The following FBXL18 variants were observed in gnomAD, a reference collection of about 807,000 sequenced individuals.
FBXL18 encodes F-box and leucine rich repeat protein 18, also known as F-box/LRR-repeat protein 18.
In FBXL18, 36 loss-of-function variants were observed where a neutral mutation model predicts 46.0. That is an observed-to-expected ratio of 0.78 (90% CI 0.60 to 1.03). The LOEUF (loss-of-function observed/expected upper bound fraction) is 1.03, where lower values mean the gene tolerates loss of function less well. Ranked by LOEUF, FBXL18 falls within the 50% of genes least tolerant of loss-of-function variation. The pLI, the probability that FBXL18 is intolerant of heterozygous loss-of-function variation, is 0.00. For synonymous variants in FBXL18, 557 were observed against 465.3 expected, an observed-to-expected ratio of 1.20 and a Z score of -2.54; for missense variants, 977 against 1,004.1, an observed-to-expected ratio of 0.97 and a Z score of 0.36.
chr7:5,498,059 T>TTTTTTTC (rs910990571), intron 3 of FBXL18, among the ~76,000 whole-genome samples: 1 of 151,928 alleles, frequency 6.6e-6, no homozygotes, highest in South Asian at 2.1e-4. Context: ...TTTGGGTAAT[T>TTTTTTTC]TTTTTTCTTT....
At chr7:5,487,968 G>C (rs1437865009) in intron 4 of FBXL18, among the ~76,000 whole-genome samples, 1 of 152,248 alleles carries the variant, frequency 6.6e-6, no homozygotes, top group South Asian at 2.1e-4. Context: ...AGCAAGCATG[G>C]GTGATCAAGG....
Position 5,504,379 on chromosome 7 carries a change from G to A in FBXL18, c.237+1033C>T, listed in dbSNP as rs560136174. Among the ~76,000 whole-genome samples the A allele has an allele frequency of 3.0e-4, 46 of 150,950 alleles. No homozygotes were observed. In the South Asian group the frequency reaches 4.0e-3, roughly 13 times the overall value. ...TGGGAGACAGAAGTTGCAGTGAGCC[G>A]GGATCGTGCCACTGCACTCCAGCCT... On this transcript the variant is annotated intron_variant, in intron 2 of 4. Coordinates refer to ENST00000382368, the MANE Select transcript of FBXL18 (RefSeq NM_024963.6).
intron 1 of FBXL18, among the ~76,000 whole-genome samples, chr7:5,513,213 A>C (rs1784586226): frequency 6.6e-6 from 1 of 151,916 alleles, no homozygotes; most frequent in African/African-American, 2.4e-5. Flanking sequence ...CCCACCCCCC[A>C]CGTCATTCAG....
At position 5,480,198 on chromosome 7, in the gene FBXL18, G is replaced by A. The variant is rs1783604065; in HGVS notation, c.*1577C>T. Among the ~76,000 whole-genome samples, 1 of 152,204 alleles carries A rather than the reference G, an allele frequency of 6.6e-6. No homozygotes were observed. The highest frequency in any genetic ancestry group is 6.5e-5 in the Admixed American group (1 of 15,272). On this transcript the variant is annotated 3_prime_UTR_variant, in exon 5 of 5. Transcript: ENST00000382368. ...CACCACCCCACAGGACGGGGCATCT[G>A]TCACACGGAAACCCAGGAGGAGGAA...
rs1293256647 is a variant in FBXL18, at chr7:5,463,702, A to T, written c.2001-15859T>A. On this transcript the variant is annotated intron_variant and NMD_transcript_variant, in intron 4 of 6. Coordinates refer to the FBXL18 transcript ENST00000415009. ...TGCTTCATGCCCCTGAACTATATAT[A>T]TATTTATTTATTTATTTATTTATTT... Among the ~76,000 whole-genome samples, 6 of 69,024 alleles carry T rather than the reference A, an allele frequency of 8.7e-5. 1 individual carries two copies. Among genetic ancestry groups the T allele is most frequent in the Admixed American group, 3.7e-4 (2 of 5,436 alleles). 45.3% of individuals were successfully genotyped at this position (69,024 alleles called of 152,430 possible). A position where few individuals can be genotyped will look rare whatever the true frequency, so the allele number is the denominator to read the frequency against.
chr7:5,470,020 C>T (rs151138909), intron 4 of FBXL18, among the ~76,000 whole-genome samples: 3 of 152,012 alleles, frequency 2.0e-5, no homozygotes, highest in Non-Finnish European at 2.9e-5. Flanking sequence ...TATGAACGGG[C>T]GTGGGCGTGG....
Position 5,476,007 on chromosome 7 carries a change from T to TG in FBXL18, c.*5767dup, listed in dbSNP as rs1317580826. On this transcript the variant is annotated 3_prime_UTR_variant, in exon 5 of 5. Transcript: ENST00000382368. Reference sequence around the variant, plus strand: ...GATGCATGTCGTGTCATTTAGCACCTGGTCATGAGATACGGCGAGACCCCC... The same window carrying TG: ...GATGCATGTCGTGTCATTTAGCACCTGGGTCATGAGATACGGCGAGACCCCC... The TG allele has an allele frequency of 6.6e-6, 1 of 152,174 alleles. No homozygotes were observed. Among genetic ancestry groups the TG allele is most frequent in the Non-Finnish European group, 1.5e-5 (1 of 68,036 alleles). The allele number at this position is 152,174 out of a possible 1,614,324, so 9.4% of individuals were successfully genotyped here.
At chr7:5,499,485 T>C (rs1446988333) in intron 3 of FBXL18, among the ~76,000 whole-genome samples, 1 of 152,084 alleles carries the variant, frequency 6.6e-6, no homozygotes, top group Non-Finnish European at 1.5e-5. Flanking sequence ...TCCCAGAACT[T>C]CGGGAGGCTG....
At chr7:5,502,153 C>A (rs1382941025) in intron 2 of FBXL18, 122 bp from the exon 3 acceptor site, 9 of 712,656 alleles carry the variant, frequency 1.3e-5, no homozygotes, top group Non-Finnish European at 1.8e-5. Flanking sequence ...AAGCTCCCCA[C>A]CTCTCGCTGC....
intron 3 of FBXL18, chr7:5,495,965 G>A (rs1382763414): frequency 2.2e-6 from 1 of 455,878 alleles, no homozygotes; most frequent in East Asian, 7.3e-5. Flanking sequence ...CTCTCAGGCT[G>A]GCCCACAAAA....
chr7:5,511,406 C>G (rs1455620299), intron 1 of FBXL18, among the ~76,000 whole-genome samples: 1 of 151,874 alleles, frequency 6.6e-6, no homozygotes, highest in Non-Finnish European at 1.5e-5. Context: ...TGGAGAAACC[C>G]CGTCTCTACT....
rs554910356 is a variant in FBXL18 at position 5,513,786 on chromosome 7, A to G, written c.-112T>C. 6.9e-7 allele frequency: 1 copy of G among 1,444,324 alleles called. No homozygotes were observed. The highest frequency in any genetic ancestry group is 1.3e-5 in the South Asian group (1 of 76,464). 89.5% of individuals were successfully genotyped at this position (1,444,324 alleles called of 1,614,324 possible). On this transcript the variant is annotated 5_prime_UTR_variant, in exon 1 of 5. Coordinates refer to ENST00000382368, the MANE Select transcript of FBXL18 (RefSeq NM_024963.6). ...TCCACCGCTCAACCGAGACCCCGGC[A>G]AGGAGCGGGCTCTCGTCACTTCCGG...
chr7:5,480,402 G>A lies in FBXL18; in HGVS notation c.*1373C>T, dbSNP rs1423935405. 1.3e-5 allele frequency: 2 copies of A among 152,120 alleles called. No individual in the cohort carries two copies. Among genetic ancestry groups the A allele is most frequent in the South Asian group, 4.1e-4 (2 of 4,826 alleles). The allele number at this position is 152,120 out of a possible 1,614,324, so 9.4% of individuals were successfully genotyped here. ...CATGGGGTGAGGACTCAGATGCCAG[G>A]AGGATGTCCTCATTTTTGGAATAAC... is the stretch of plus-strand genomic sequence containing the variant. On this transcript the variant is annotated 3_prime_UTR_variant, in exon 5 of 5. Transcript: ENST00000382368.
At chr7:5,465,550 C>T (rs936719347) in intron 4 of FBXL18, among the ~76,000 whole-genome samples, 6 of 152,072 alleles carry the variant, frequency 3.9e-5, no homozygotes, top group African/African-American at 7.2e-5. Flanking sequence ...TCATAGCTCA[C>T]GGCAGCTTTG....
Position 5,495,812 on chromosome 7 carries a change from G to A in FBXL18, c.1782-4363C>T, listed in dbSNP as rs74597552. 8.6e-4 allele frequency: 409 copies of A among 476,566 alleles called. 1 individual carries two copies. The highest frequency in any genetic ancestry group is 7.5e-3 in the African/African-American group (377 of 50,514). 29.5% of individuals were successfully genotyped at this position (476,566 alleles called of 1,614,324 possible). A position where few individuals can be genotyped will look rare whatever the true frequency, so the allele number is the denominator to read the frequency against. On this transcript the variant is annotated intron_variant, in intron 3 of 4. Transcript: ENST00000382368. ...TTGCCGCAGAAGGCAGGAATCCAGA[G>A]GAACGGGGCCAGCTGGCAGCGTCTG...
At chr7:5,491,152 G>A (rs1318928568) in intron 4 of FBXL18, 79 bp downstream of exon 4, 5 of 1,327,052 alleles carry the variant, frequency 3.8e-6, no homozygotes, top group Middle Eastern at 1.8e-4. Context: ...GTAGGCACTC[G>A]GTGAAGGCTG....
At chr7:5,489,094 C>T (rs1783847201) in intron 4 of FBXL18, 4 of 339,542 alleles carry the variant, frequency 1.2e-5, no homozygotes, top group Non-Finnish European at 2.3e-5. Flanking sequence ...AAAGCAAAGT[C>T]GAGGACACAG....
intron 4 of FBXL18, among the ~76,000 whole-genome samples, chr7:5,467,031 T>C (rs1783350675): frequency 6.6e-6 from 1 of 151,882 alleles, no homozygotes; most frequent in East Asian, 1.9e-4. Flanking sequence ...AGCCTGGCCA[T>C]CACGGCGAAA....
At chr7:5,498,224 AC>A (rs1784135904) in intron 3 of FBXL18, among the ~76,000 whole-genome samples, 1 of 151,446 alleles carries the variant, frequency 6.6e-6, no homozygotes, top group Admixed American at 6.6e-5. Context: ...AGCAGCTGGG[AC>A]TACAGGCGCC....
Sources: allele counts gnomAD v4.1 joint callset (sites outside exome capture counted in the v4.1 genomes callset), GRCh38; gene constraint gnomAD v4.1.1; transcripts MANE v1.5; gene names NCBI Gene and HGNC (gene_info 2026-07-23, HGNC 2026-07-21).